Variants in MAN2A1 observed in about 807,000 individuals in gnomAD.
MAN2A1 encodes mannosidase alpha class 2A member 1, also known as alpha-mannosidase 2.
In MAN2A1, 76 loss-of-function variants were observed where a neutral mutation model predicts 142.6. That is an observed-to-expected ratio of 0.53 (90% CI 0.44 to 0.65). The LOEUF (loss-of-function observed/expected upper bound fraction) is 0.65. Ranked by LOEUF, MAN2A1 falls within the 30% of genes least tolerant of loss-of-function variation. The pLI is 0.00. For synonymous variants in MAN2A1, 559 were observed against 473.2 expected (o/e 1.18, Z -2.35); for missense variants, 1,311 against 1,365.1 (o/e 0.96, Z 0.62).
At chr5:109,760,545 T>TGAG in intron 5 of MAN2A1, among the ~76,000 whole-genome samples, 1 of 152,280 alleles carries the variant, frequency 6.6e-6, no homozygotes, top group Admixed American at 6.5e-5. Context: ...TCTAGGTACT[T>TGAG]GAGGAATCAC....
At chr5:109,826,373 G>A (rs534346672) in intron 16 of MAN2A1, among the ~76,000 whole-genome samples, 131 of 152,040 alleles carry the variant, frequency 8.6e-4, no homozygotes, top group Non-Finnish European at 5.9e-4. Flanking sequence ...ATGAGAAGCC[G>A]TCATATATAA....
In MAN2A1 at chr5:109,840,373, G is replaced by A. The variant is rs116465631; in HGVS notation, c.2567-1955G>A. 289 of 375,684 alleles carry A rather than the reference G, an allele frequency of 7.7e-4. 1 individual carries two copies. The highest frequency in any genetic ancestry group is 5.6e-3 in the African/African-American group (256 of 45,744). The allele number at this position is 375,684 out of a possible 1,614,324, so 23.3% of individuals were successfully genotyped here. A position where few individuals can be genotyped will look rare whatever the true frequency, so the allele number is the denominator to read the frequency against. ...AAGGGAGTATTTCTGTGACTTTTAG[G>A]TCATCTCCAGAGAAATTGCTGGTAA... On this transcript the variant is annotated intron_variant, in intron 16 of 21. Coordinates refer to ENST00000261483, the MANE Select transcript of MAN2A1 (RefSeq NM_002372.4).
chr5:109,860,952 T>C (rs1755740190), intron 20 of MAN2A1, among the ~76,000 whole-genome samples: 1 of 152,218 alleles, frequency 6.6e-6, no homozygotes, highest in Non-Finnish European at 1.5e-5. Context: ...ATTTTGTTAT[T>C]TTACATCAAA....
chr5:109,730,264 C>A (rs559604059), intron 4 of MAN2A1, among the ~76,000 whole-genome samples: 4 of 152,064 alleles, frequency 2.6e-5, no homozygotes, highest in Non-Finnish European at 5.9e-5. Context: ...CATATTTTCT[C>A]ATACAGGTTA....
intron 16 of MAN2A1, among the ~76,000 whole-genome samples, chr5:109,832,839 C>A (rs941008851): frequency 1.3e-5 from 2 of 148,208 alleles, no homozygotes; most frequent in Non-Finnish European, 2.9e-5. Context: ...CTGGAGGGGG[C>A]GGCTGCCGGG....
At chr5:109,776,176 T>A (rs1347568675) in intron 8 of MAN2A1, among the ~76,000 whole-genome samples, 1 of 152,006 alleles carries the variant, frequency 6.6e-6, no homozygotes, top group Non-Finnish European at 1.5e-5. Context: ...GTAGAACATC[T>A]GTGAAAATAC....
intron 19 of MAN2A1, among the ~76,000 whole-genome samples, chr5:109,848,860 C>T (rs898878478): frequency 2.6e-5 from 4 of 152,172 alleles, no homozygotes; most frequent in African/African-American, 9.7e-5. Context: ...CTCTCCTACC[C>T]AATTGAGTCA....
At chr5:109,833,487 G>T (rs966280878) in intron 16 of MAN2A1, among the ~76,000 whole-genome samples, 1 of 152,252 alleles carries the variant, frequency 6.6e-6, no homozygotes, top group South Asian at 2.1e-4. Context: ...GGCCAACACG[G>T]CAAAACCCCG....
intron 9 of MAN2A1, among the ~76,000 whole-genome samples, chr5:109,783,937 T>C (rs1753528930): frequency 6.6e-6 from 1 of 151,998 alleles, no homozygotes; most frequent in Admixed American, 6.6e-5. Context: ...GTGATCCTAG[T>C]TCACTGCGGC....
At chr5:109,707,764 G>A (rs965547599) in intron 1 of MAN2A1, among the ~76,000 whole-genome samples, 1 of 152,178 alleles carries the variant, frequency 6.6e-6, no homozygotes, top group African/African-American at 2.4e-5. Context: ...AAGCTAAGTT[G>A]AGAGAAAGAG....
intron 19 of MAN2A1, among the ~76,000 whole-genome samples, chr5:109,851,988 A>G (rs977053988): frequency 6.6e-6 from 1 of 151,964 alleles, no homozygotes; most frequent in Non-Finnish European, 1.5e-5. Flanking sequence ...AAGACCCACA[A>G]CTCAGCTCCA....
At chr5:109,862,941 C>T (rs778060623) in intron 20 of MAN2A1, 4 of 152,040 alleles carry the variant, frequency 2.6e-5, no homozygotes, top group African/African-American at 2.4e-5. Context: ...TTTGTATTGT[C>T]GGTTTAAATC....
intron 4 of MAN2A1, among the ~76,000 whole-genome samples, chr5:109,740,885 G>A (rs760092415): frequency 2.6e-4 from 39 of 152,220 alleles, no homozygotes; most frequent in Non-Finnish European, 4.4e-4. Context: ...CTACCTGGAT[G>A]CAAATTTTCC....
intron 19 of MAN2A1, among the ~76,000 whole-genome samples, chr5:109,850,076 A>C (rs954074420): frequency 3.3e-5 from 5 of 152,172 alleles, no homozygotes; most frequent in African/African-American, 9.7e-5. Context: ...CAAACTGTGC[A>C]TCTCACCTTC....
intron 4 of MAN2A1, among the ~76,000 whole-genome samples, chr5:109,729,854 G>A (rs995926878): frequency 1.3e-5 from 2 of 152,034 alleles, no homozygotes; most frequent in Admixed American, 6.6e-5. Flanking sequence ...AATTAGCCAG[G>A]TGGTGCTCAC....
chr5:109,806,209 T>C (rs1359383071), intron 12 of MAN2A1, among the ~76,000 whole-genome samples: 1 of 152,194 alleles, frequency 6.6e-6, no homozygotes, highest in African/African-American at 2.4e-5. Flanking sequence ...GCACCCTGAC[T>C]GCCTTACCCA....
At chr5:109,722,508 A>G (rs1180060382) in intron 3 of MAN2A1, among the ~76,000 whole-genome samples, 1 of 152,102 alleles carries the variant, frequency 6.6e-6, no homozygotes, top group African/African-American at 2.4e-5. Flanking sequence ...TCTGCCTCCC[A>G]GGTTCAAGCA....
intron 5 of MAN2A1, among the ~76,000 whole-genome samples, chr5:109,761,249 A>C (rs747147960): frequency 6.6e-6 from 1 of 151,898 alleles, no homozygotes; most frequent in East Asian, 1.9e-4. Flanking sequence ...ATTTTATTGC[A>C]TAGATAACAT....
At chr5:109,817,016 C>T (rs1326531205) in intron 12 of MAN2A1, among the ~76,000 whole-genome samples, 7 of 151,954 alleles carry the variant, frequency 4.6e-5, no homozygotes, top group Non-Finnish European at 1.0e-4. Flanking sequence ...AAAAATTAGC[C>T]AGATGTAGTA....
Sources: gnomAD v4.1 joint callset for allele counts (sites outside exome capture counted in the v4.1 genomes callset) on GRCh38, gnomAD v4.1.1 for gene constraint, MANE v1.5 for transcripts, NCBI Gene and HGNC (gene_info 2026-07-23, HGNC 2026-07-21) for gene names.